The following PPIB variants were observed in gnomAD, a reference collection of about 807,000 sequenced individuals.
PPIB encodes the protein peptidyl-prolyl cis-trans isomerase B.
Under a neutral mutation model 20.1 loss-of-function variants are expected in PPIB, and 15 were observed. The observed-to-expected ratio is 0.75, with a 90% CI of 0.50 to 1.15. The LOEUF (loss-of-function observed/expected upper bound fraction) is 1.15. Ranked by LOEUF, PPIB falls within the 50% of genes most tolerant of loss-of-function variation. The pLI is 0.00. For synonymous variants in PPIB, 129 were observed against 111.0 expected (o/e 1.16, Z -1.02); for missense variants, 278 against 283.0 (o/e 0.98, Z 0.13).
chr15:64,160,097 T>C lies in PPIB; in HGVS notation c.343+7A>G, dbSNP rs776319745. On this transcript the variant is annotated splice_region_variant and intron_variant, in intron 3 of 4. Coordinates refer to ENST00000300026, the MANE Select transcript of PPIB (RefSeq NM_000942.5). This position sits in a 1 kb window ranked among gnomAD's most constrained non-coding sequence, Gnocchi z 4.8. ...CATACTCCTTGGCCCAGAGGACCTGTGGTTACCTCCTGTGCCATCTCCCCT... is the reference window on the plus strand; with the variant it reads ...CATACTCCTTGGCCCAGAGGACCTGCGGTTACCTCCTGTGCCATCTCCCCT... 2 of 1,604,378 alleles carry C rather than the reference T, an allele frequency of 1.2e-6. No homozygotes were observed. Among genetic ancestry groups the C allele is most frequent in the Non-Finnish European group, 1.7e-6 (2 of 1,171,258 alleles).
chr15:64,156,101 A>G lies in PPIB; in HGVS notation c.573T>C (p.Asp191=), dbSNP rs1596027358. 6.2e-7 allele frequency: 1 copy of G among 1,614,170 alleles called. No homozygotes were observed. Among genetic ancestry groups the G allele is most frequent in the Non-Finnish European group, 8.5e-7 (1 of 1,180,028 alleles). The change falls in exon 5 of 5, where the codon GAT becomes GAC. Residue 191 remains aspartate, a synonymous_variant. Transcript: ENST00000300026. The surrounding 1 kb of genome is among the most constrained non-coding windows in gnomAD (Gnocchi z 6.4). ...CGATGATCACATCCTTCAGGGGTTT[A>G]TCCCGGCTGTCTGTCTTGGTGCTCT... The part of the protein sequence containing the change: ...KVESTKTDSR[D]KPLKDVIIAD...
rs2140183278 is a variant in PPIB at position 64,160,151 on chromosome 15, T to C, written c.296A>G (p.Asp99Gly). ...GAAGTCTCCGCCCTGGATCATGAAG[T>C]CCTTGATTACACGATGGAATTTGCT... ...KNSKFHRVIK[D>G]FMIQGGDFTR... Residue 99 changes from aspartate (D) to glycine (G), a missense_variant, in exon 3 of 5, where the codon GAC becomes GGC. Asp to Gly is a moderately conservative substitution (Grantham distance 94, BLOSUM62 -1). Coordinates refer to ENST00000300026, the MANE Select transcript of PPIB (RefSeq NM_000942.5). The surrounding 1 kb of genome is among the most constrained non-coding windows in gnomAD (Gnocchi z 4.8). 1 of 1,614,148 alleles carries C rather than the reference T, an allele frequency of 6.2e-7. No individual in the cohort carries two copies. The highest frequency in any genetic ancestry group is 8.5e-7 in the Non-Finnish European group (1 of 1,179,982).
Position 64,161,294 on chromosome 15 carries a change from G to A in PPIB, c.249+747C>T, listed in dbSNP as rs970841386. On this transcript the variant is annotated intron_variant, in intron 2 of 4. Transcript: ENST00000300026. This position sits in a 1 kb window ranked among gnomAD's most constrained non-coding sequence, Gnocchi z 4.2. ...TTTAATTAATTTATTTTTTTTTTGA[G>A]ACAGGGTCTCACTCTATTGCTCAGG... Among the ~76,000 whole-genome samples, 1 of 150,402 alleles carries A rather than the reference G, an allele frequency of 6.6e-6. No individual in the cohort carries two copies. The highest frequency in any genetic ancestry group is 2.4e-5 in the African/African-American group (1 of 40,840).
Position 64,162,820 on chromosome 15 carries a change from C to T in PPIB, c.135+32G>A, listed in dbSNP as rs755925561. The T allele has an allele frequency of 3.7e-6, 6 of 1,603,992 alleles. No individual in the cohort carries two copies. In the South Asian group the frequency reaches 4.5e-5, roughly 12 times the overall value. ...GCCAAGGCCGCCCGGGCCCGAGCTCCGGCACCGTAAATGCCGCGGACTCCA... is the reference window on the plus strand; with the variant it reads ...GCCAAGGCCGCCCGGGCCCGAGCTCTGGCACCGTAAATGCCGCGGACTCCA... On this transcript the variant is annotated intron_variant, in intron 1 of 4. Coordinates refer to ENST00000300026, the MANE Select transcript of PPIB (RefSeq NM_000942.5).
Position 64,162,964 on chromosome 15 carries a change from T to G in PPIB, c.23A>C (p.Asn8Thr). The change falls in exon 1 of 5, where the codon AAC becomes ACC. Residue 8 changes from asparagine to threonine, a missense_variant. Transcript: ENST00000300026. MLRLSER[N>T]MKVLLAAALI... ...GGCGGCGGCAAGGAGCACCTTCATG[T>G]TGCGTTCGGAGAGGCGCAGCATCCA... 6.2e-7 allele frequency: 1 copy of G among 1,613,412 alleles called. No individual in the cohort carries two copies. The highest frequency in any genetic ancestry group is 8.5e-7 in the Non-Finnish European group (1 of 1,179,804).
rs780698990 is a variant in PPIB at position 64,156,771 on chromosome 15, C to T, written c.482G>A (p.Trp161Ter). The change falls in exon 4 of 5, where the codon TGG (tryptophan) becomes TAG (stop). Residue 161 changes from tryptophan to a stop codon, truncating the protein, a stop_gained. Coordinates refer to ENST00000300026, the MANE Select transcript of PPIB (RefSeq NM_000942.5). LOFTEE classifies it high-confidence loss of function. The surrounding 1 kb of genome is among the most constrained non-coding windows in gnomAD (Gnocchi z 6.4). ...AAACACCACATGCTTGCCATCTAGC[C>T]AGGCTGTCTTGACTGTCGTGATGAA... ...QFFITTVKTA[W>*]LDGKHVVFGK... 1.2e-5 allele frequency: 20 copies of T among 1,614,072 alleles called. No homozygotes were observed. Among genetic ancestry groups the T allele is most frequent in the Non-Finnish European group, 1.7e-5 (20 of 1,180,038 alleles).
Position 64,156,830 on chromosome 15 carries a change from G to A in PPIB, c.423C>T (p.Ala141=). The A allele has an allele frequency of 1.2e-6, 2 of 1,614,166 alleles. No homozygotes were observed. Among genetic ancestry groups the A allele is most frequent in the Non-Finnish European group, 1.7e-6 (2 of 1,180,024 alleles). The part of the protein sequence containing the change: ...KHYGPGWVSM[A]NAGKDTNGSQ... ...AGCCGTTGGTGTCTTTGCCTGCGTT[G>A]GCCATGCTCACCCAGCCAGGCCCGT... The change falls in exon 4 of 5, where the codon GCC becomes GCT. Residue 141 remains alanine, a synonymous_variant. Transcript: ENST00000300026. This position sits in a 1 kb window ranked among gnomAD's most constrained non-coding sequence, Gnocchi z 6.4.
chr15:64,156,061 T>A lies in PPIB; in HGVS notation c.613A>T (p.Ile205Phe), dbSNP rs1479203449. The A allele has an allele frequency of 1.2e-6, 2 of 1,614,088 alleles. No homozygotes were observed. The highest frequency in any genetic ancestry group is 2.7e-5 in the African/African-American group (2 of 74,930). The change falls in exon 5 of 5, where the codon ATC becomes TTC. Residue 205 changes from isoleucine (I) to phenylalanine (F), a missense_variant. Ile to Phe is a conservative substitution (Grantham distance 21). Coordinates refer to ENST00000300026, the MANE Select transcript of PPIB (RefSeq NM_000942.5). The surrounding 1 kb of genome is among the most constrained non-coding windows in gnomAD (Gnocchi z 6.4). ...KDVIIADCGK[I>F]EVEKPFAIAK... The stretch of plus-strand genomic sequence containing the variant: ...ATGGCAAAGGGCTTCTCCACCTCGA[T>A]CTTGCCGCAGTCTGCGATGATCACA...
At position 64,156,762 on chromosome 15, in the gene PPIB, C is replaced by G; in HGVS notation, c.491G>C (p.Gly164Ala). The G allele has an allele frequency of 6.2e-7, 1 of 1,614,246 alleles. No individual in the cohort carries two copies. Among genetic ancestry groups the G allele is most frequent in the Non-Finnish European group, 8.5e-7 (1 of 1,180,050 alleles). ...ITTVKTAWLDGKHVVFGKVLE... is the reference protein window; with the variant it reads ...ITTVKTAWLDAKHVVFGKVLE... Reference sequence around the variant, plus strand: ...AACTTTGCCAAACACCACATGCTTGCCATCTAGCCAGGCTGTCTTGACTGT... The same window carrying G: ...AACTTTGCCAAACACCACATGCTTGGCATCTAGCCAGGCTGTCTTGACTGT... The change falls in exon 4 of 5, where the codon GGC becomes GCC. Residue 164 changes from glycine (G) to alanine (A), a missense_variant. By Grantham distance (60) the Gly-to-Ala change is moderately conservative (BLOSUM62 0). Coordinates refer to ENST00000300026, the MANE Select transcript of PPIB (RefSeq NM_000942.5). This position sits in a 1 kb window ranked among gnomAD's most constrained non-coding sequence, Gnocchi z 6.4.
chr15:64,162,801 G>T, intron 1 of PPIB, 51 bp downstream of exon 1: 2 of 1,589,632 alleles, frequency 1.3e-6, no homozygotes, highest in Non-Finnish European at 1.7e-6. Context: ...CCAAGCCAAG[G>T]CCGCCCGGGC....
rs1237271089 is a variant in PPIB at position 64,158,153 on chromosome 15, T to C, written c.344-1244A>G. Among the ~76,000 whole-genome samples the C allele has an allele frequency of 6.6e-6, 1 of 152,200 alleles. No individual in the cohort carries two copies. The highest frequency in any genetic ancestry group is 1.5e-5 in the Non-Finnish European group (1 of 68,034). On this transcript the variant is annotated intron_variant, in intron 3 of 4. Coordinates refer to ENST00000300026, the MANE Select transcript of PPIB (RefSeq NM_000942.5). This position sits in a 1 kb window ranked among gnomAD's most constrained non-coding sequence, Gnocchi z 4.7. ...ACCTTGTCATCTTTCTCTCCAGACC[T>C]CAGTTATTCTTTTGACCCCTTTTCC...
rs1272552896 is a variant in PPIB, at chr15:64,163,020, G to A, written c.-34C>T. Reference sequence around the variant, plus strand: ...GGAGGCGAAAGCAGCCCGGACAGCTGAGGCCGGAAGAGGGTGGGGCCGCGG... The same window carrying A: ...GGAGGCGAAAGCAGCCCGGACAGCTAAGGCCGGAAGAGGGTGGGGCCGCGG... On this transcript the variant is annotated 5_prime_UTR_variant, in exon 1 of 5. Coordinates refer to ENST00000300026, the MANE Select transcript of PPIB (RefSeq NM_000942.5). 1.2e-6 allele frequency: 2 copies of A among 1,607,778 alleles called. No individual in the cohort carries two copies. The highest frequency in any genetic ancestry group is 1.1e-5 in the South Asian group (1 of 90,372).
In PPIB at chr15:64,160,498, G is replaced by A. The variant is rs2081559133; in HGVS notation, c.250-301C>T. On this transcript the variant is annotated intron_variant, in intron 2 of 4. Transcript: ENST00000300026. The surrounding 1 kb of genome is among the most constrained non-coding windows in gnomAD (Gnocchi z 4.8). ...ATAAGAACAGATACAAGAAAACTGA[G>A]AAGAAAGGTCACCTGCTGGCTCAAT... Among the ~76,000 whole-genome samples, 1 of 152,152 alleles carries A rather than the reference G, an allele frequency of 6.6e-6. No homozygotes were observed. The highest frequency in any genetic ancestry group is 1.5e-5 in the Non-Finnish European group (1 of 68,034).
In PPIB at chr15:64,158,736, C is replaced by CTCA. The variant is rs1377433876; in HGVS notation, c.343+1365_343+1367dup. On this transcript the variant is annotated intron_variant, in intron 3 of 4. Transcript: ENST00000300026. This position sits in a 1 kb window ranked among gnomAD's most constrained non-coding sequence, Gnocchi z 4.7. ...GCTCCTGCCACAGAACAGCACCGGG[C>CTCA]TCATGCCCTAACCCTGCCTCTTTTC... 6.6e-6 allele frequency among the ~76,000 whole-genome samples: 1 copy of CTCA among 152,248 alleles called. No individual in the cohort carries two copies. The highest frequency in any genetic ancestry group is 1.5e-5 in the Non-Finnish European group (1 of 68,046).
At position 64,159,865 on chromosome 15, in the gene PPIB, A is replaced by G; in HGVS notation, c.343+239T>C. On this transcript the variant is annotated intron_variant, in intron 3 of 4. Coordinates refer to ENST00000300026, the MANE Select transcript of PPIB (RefSeq NM_000942.5). This position sits in a 1 kb window ranked among gnomAD's most constrained non-coding sequence, Gnocchi z 5.1. ...CAGGCTATAGGCCTGGATCAGCAGG[A>G]CGGTCACCTGGGAGAGATTCTCTTA... The G allele has an allele frequency of 1.7e-6, 1 of 594,772 alleles. No homozygotes were observed. Among genetic ancestry groups the G allele is most frequent in the African/African-American group, 1.9e-5 (1 of 53,916 alleles). The allele number at this position is 594,772 out of a possible 1,614,324, so 36.8% of individuals were successfully genotyped here.
chr15:64,156,603 G>A lies in PPIB; in HGVS notation c.528+122C>T, dbSNP rs889506073. ...GGGTTTATTCTGGACAGGAGCACTG[G>A]GCTGCATCTGTGGGTTGGGTCCTTT... On this transcript the variant is annotated intron_variant, in intron 4 of 4. Transcript: ENST00000300026. This position sits in a 1 kb window ranked among gnomAD's most constrained non-coding sequence, Gnocchi z 6.4. 3.4e-6 allele frequency: 4 copies of A among 1,177,618 alleles called. No homozygotes were observed. Among genetic ancestry groups the A allele is most frequent in the African/African-American group, 1.5e-5 (1 of 66,194 alleles). 72.9% of individuals were successfully genotyped at this position (1,177,618 alleles called of 1,614,324 possible).
intron 1 of PPIB, 101 bp downstream of exon 1, chr15:64,162,751 G>A (rs1396705802): frequency 3.9e-6 from 6 of 1,536,126 alleles, no homozygotes; most frequent in East Asian, 2.4e-5. Flanking sequence ...ACGCCACGAG[G>A]CCACAGACAG....
At position 64,156,664 on chromosome 15, in the gene PPIB, G is replaced by T. The variant is rs1451055733; in HGVS notation, c.528+61C>A. 1.3e-6 allele frequency: 2 copies of T among 1,593,766 alleles called. No homozygotes were observed. Among genetic ancestry groups the T allele is most frequent in the East Asian group, 2.2e-5 (1 of 44,764 alleles). The stretch of plus-strand genomic sequence containing the variant: ...ATGGACACATGGAGCTCCTGCCCTG[G>T]GGTCTGTGTTGAATCCCCGGTGAGG... On this transcript the variant is annotated intron_variant, in intron 4 of 4. Coordinates refer to ENST00000300026, the MANE Select transcript of PPIB (RefSeq NM_000942.5). The surrounding 1 kb of genome is among the most constrained non-coding windows in gnomAD (Gnocchi z 6.4).
Position 64,156,588 on chromosome 15 carries a change from TG to T in PPIB, c.528+136del. 9.3e-7 allele frequency: 1 copy of T among 1,076,570 alleles called. No homozygotes were observed. Among genetic ancestry groups the T allele is most frequent in the Non-Finnish European group, 1.4e-6 (1 of 694,546 alleles). The allele number at this position is 1,076,570 out of a possible 1,614,324, so 66.7% of individuals were successfully genotyped here. A position where few individuals can be genotyped will look rare whatever the true frequency, so the allele number is the denominator to read the frequency against. ...AGGCATGGAGGTACAGGGTTTATTCTGGACAGGAGCACTGGGCTGCATCTGT... is the reference window on the plus strand; with the variant it reads ...AGGCATGGAGGTACAGGGTTTATTCTGACAGGAGCACTGGGCTGCATCTGT... On this transcript the variant is annotated intron_variant, in intron 4 of 4. Coordinates refer to ENST00000300026, the MANE Select transcript of PPIB (RefSeq NM_000942.5). This position sits in a 1 kb window ranked among gnomAD's most constrained non-coding sequence, Gnocchi z 6.4.
Sources: gnomAD v4.1 joint callset for allele counts (sites outside exome capture counted in the v4.1 genomes callset) on GRCh38, gnomAD v4.1.1 for gene constraint, Gnocchi (gnomAD v3.1) non-coding constraint, MANE v1.5 for transcripts, NCBI Gene and HGNC (gene_info 2026-07-23, HGNC 2026-07-21) for gene names.